TMTC2: variants seen among roughly 807,000 people sequenced by gnomAD.
TMTC2 encodes transmembrane O-mannosyltransferase targeting cadherins 2, also known as protein O-mannosyl-transferase TMTC2.
TMTC2 carries 43 observed loss-of-function variants against 82.4 expected under a neutral mutation model. The ratio of observed to expected loss-of-function variants is 0.52; its 90% CI spans 0.41 to 0.67. TMTC2 has a LOEUF of 0.67. TMTC2 is among the 30% of genes least tolerant of loss of function. The probability of loss-of-function intolerance (pLI) is 0.00; values close to 1 mark genes in which losing one functional copy is unlikely to be tolerated. For synonymous variants in TMTC2, 408 were observed against 381.9 expected, an observed-to-expected ratio of 1.07 and a Z score of -0.80; for missense variants, 919 against 1,012.4, an observed-to-expected ratio of 0.91 and a Z score of 1.25.
At chr12:82,892,171 C>T (rs1414162297) in intron 2 of TMTC2, among the ~76,000 whole-genome samples, 2 of 152,156 alleles carry the variant, frequency 1.3e-5, no homozygotes, top group African/African-American at 4.8e-5. Flanking sequence ...ACCGTAGTAT[C>T]TTTTGATCTT....
chr12:82,714,010 G>A (rs1310901196), intron 1 of TMTC2, among the ~76,000 whole-genome samples: 1 of 152,188 alleles, frequency 6.6e-6, no homozygotes, highest in Non-Finnish European at 1.5e-5. Context: ...TAATAATCAC[G>A]TGAGGTGTAG....
chr12:82,775,633 T>C (rs1877553755), intron 1 of TMTC2, among the ~76,000 whole-genome samples: 3 of 152,076 alleles, frequency 2.0e-5, no homozygotes, highest in South Asian at 2.1e-4. Flanking sequence ...TGAATAATGG[T>C]CACTGAAATT....
At position 82,845,526 on chromosome 12, in the gene TMTC2, T is replaced by A. The variant is rs935495712; in HGVS notation, c.84-11484T>A. On this transcript the variant is annotated intron_variant, in intron 1 of 11. Transcript: ENST00000321196. ...AGTATCCCTTCTAGTTGTTTCTAATTTCAAATCTGGAAAATTAGAAACAAG... is the reference window on the plus strand; with the variant it reads ...AGTATCCCTTCTAGTTGTTTCTAATATCAAATCTGGAAAATTAGAAACAAG... Among the ~76,000 whole-genome samples, 4 of 152,068 alleles carry A rather than the reference T, an allele frequency of 2.6e-5. No individual in the cohort carries two copies. In the East Asian group the frequency reaches 7.7e-4, roughly 29 times the overall value.
In TMTC2 at chr12:82,687,553, C is replaced by G. The variant is rs780418240; in HGVS notation, c.-34C>G. On this transcript the variant is annotated 5_prime_UTR_variant, in exon 1 of 12. Transcript: ENST00000321196. The stretch of plus-strand genomic sequence containing the variant: ...TTTTGTTGCCGCTGCTGCCCTCGCG[C>G]TGGGAGCCGAGCCGGAGGGAAGGCG... The G allele has an allele frequency of 1.9e-6, 3 of 1,579,408 alleles. No homozygotes were observed. The East Asian group carries it at 6.8e-5, about 36-fold the overall frequency.
chr12:82,963,825 A>C (rs1382309719), intron 4 of TMTC2, among the ~76,000 whole-genome samples: 4 of 95,772 alleles, frequency 4.2e-5, no homozygotes, highest in African/African-American at 2.4e-4. Flanking sequence ...ATATATATAT[A>C]TATATATATA....
chr12:83,045,859 C>G (rs1159202447), intron 9 of TMTC2, among the ~76,000 whole-genome samples: 2 of 152,002 alleles, frequency 1.3e-5, no homozygotes, highest in Non-Finnish European at 2.9e-5. Flanking sequence ...TCCTAATAGA[C>G]AGAAAACACC....
intron 11 of TMTC2, among the ~76,000 whole-genome samples, chr12:83,110,862 TCA>T (rs1004596211): frequency 6.6e-6 from 1 of 152,218 alleles, no homozygotes; most frequent in Non-Finnish European, 1.5e-5. Flanking sequence ...CTGATGACTT[TCA>T]GTTTTATCTC....
chr12:83,033,797 T>G (rs1277718386), intron 9 of TMTC2, among the ~76,000 whole-genome samples: 3 of 142,624 alleles, frequency 2.1e-5, no homozygotes, highest in African/African-American at 5.5e-5. Flanking sequence ...AATATATATA[T>G]ATATACACAT....
chr12:82,754,679 G>A (rs1464464984), intron 1 of TMTC2, among the ~76,000 whole-genome samples: 1 of 152,156 alleles, frequency 6.6e-6, no homozygotes, highest in African/African-American at 2.4e-5. Context: ...AGAGTTTGCA[G>A]TGAGCTGATA....
At chr12:83,021,230 T>C (rs1880908362) in intron 8 of TMTC2, among the ~76,000 whole-genome samples, 1 of 152,174 alleles carries the variant, frequency 6.6e-6, no homozygotes, top group South Asian at 2.1e-4. Context: ...AGTATTCTTA[T>C]GTCTTGCCAA....
chr12:82,926,366 A>G (rs1875716752), intron 3 of TMTC2, among the ~76,000 whole-genome samples: 1 of 152,274 alleles, frequency 6.6e-6, no homozygotes, highest in South Asian at 2.1e-4. Flanking sequence ...AAGTTCCTTA[A>G]CTCTCTTCAA....
intron 1 of TMTC2, among the ~76,000 whole-genome samples, chr12:82,717,673 A>C (rs530440076): frequency 9.8e-5 from 15 of 152,292 alleles, no homozygotes; most frequent in African/African-American, 3.4e-4. Context: ...TATACTTTAA[A>C]TTTTCAAGGT....
chr12:83,003,576 A>G (rs116677654), intron 8 of TMTC2, among the ~76,000 whole-genome samples: 160 of 152,086 alleles, frequency 1.1e-3, no homozygotes, highest in African/African-American at 3.6e-3. Flanking sequence ...CATGTTTAGT[A>G]CTCCCTTAGA....
At chr12:82,723,265 C>T (rs1280274789) in intron 1 of TMTC2, among the ~76,000 whole-genome samples, 2 of 152,128 alleles carry the variant, frequency 1.3e-5, no homozygotes, top group African/African-American at 4.8e-5. Flanking sequence ...TACTCAAAAC[C>T]AGGGACTCTC....
At chr12:83,087,615 C>T (rs189633681) in intron 11 of TMTC2, among the ~76,000 whole-genome samples, 5 of 152,282 alleles carry the variant, frequency 3.3e-5, no homozygotes, top group East Asian at 3.9e-4. Context: ...AGGTAAACAA[C>T]GTTAATTTCC....
intron 1 of TMTC2, among the ~76,000 whole-genome samples, chr12:82,792,920 T>C (rs550197881): frequency 2.0e-5 from 3 of 152,284 alleles, no homozygotes; most frequent in Admixed American, 6.5e-5. Context: ...TAAAATGTGC[T>C]GAAGATCTAA....
At chr12:83,004,720 G>A (rs530043948) in intron 8 of TMTC2, among the ~76,000 whole-genome samples, 29 of 78,264 alleles carry the variant, frequency 3.7e-4, no homozygotes, top group Non-Finnish European at 5.7e-4. Flanking sequence ...TATACTGGCC[G>A]AATTTTTTTT....
intron 11 of TMTC2, among the ~76,000 whole-genome samples, chr12:83,103,797 C>A (rs1277501908): frequency 1.3e-5 from 2 of 152,224 alleles, no homozygotes; most frequent in Non-Finnish European, 2.9e-5. Flanking sequence ...CAAAAGTCTA[C>A]AGTTCATAAT....
At chr12:82,976,830 C>A (rs532659473) in intron 7 of TMTC2, among the ~76,000 whole-genome samples, 2 of 152,076 alleles carry the variant, frequency 1.3e-5, no homozygotes, top group African/African-American at 4.8e-5. Flanking sequence ...GATCATCGGA[C>A]TGCAGGTTCT....
Sources: gnomAD v4.1 joint callset for allele counts (sites outside exome capture counted in the v4.1 genomes callset) on GRCh38, gnomAD v4.1.1 for gene constraint, MANE v1.5 for transcripts, NCBI Gene and HGNC (gene_info 2026-07-23, HGNC 2026-07-21) for gene names.